The following THSD4 variants were observed in gnomAD, a reference collection of about 807,000 sequenced individuals.
THSD4 encodes thrombospondin type 1 domain containing 4, also known as thrombospondin type-1 domain-containing protein 4.
THSD4 carries 69 observed loss-of-function variants against 119.0 expected under a neutral mutation model. The observed-to-expected ratio is 0.58, with a 90% CI of 0.48 to 0.71. The LOEUF (loss-of-function observed/expected upper bound fraction) is 0.71. Among genes scored for constraint, THSD4 ranks in the 30% least tolerant of loss-of-function variants. The probability of loss-of-function intolerance (pLI) is 0.00; values close to 1 mark genes in which losing one functional copy is unlikely to be tolerated. For synonymous variants in THSD4, 524 were observed against 540.4 expected (o/e 0.97, Z 0.42); for missense variants, 1,393 against 1,391.1 (o/e 1.00, Z -0.02).
At chr15:71,421,457 T>C (rs1595751671) in intron 7 of THSD4, among the ~76,000 whole-genome samples, 1 of 152,328 alleles carries the variant, frequency 6.6e-6, no homozygotes, top group East Asian at 1.9e-4. Flanking sequence ...ATGGTAAAAG[T>C]GTCATTCCTT....
At chr15:71,385,087 A>G (rs1207756396) in intron 6 of THSD4, among the ~76,000 whole-genome samples, 1 of 152,194 alleles carries the variant, frequency 6.6e-6, no homozygotes, top group East Asian at 1.9e-4. Context: ...TGAGGCCTAT[A>G]GCTGGATCCA....
At chr15:71,460,868 G>T (rs1328918267) in intron 7 of THSD4, among the ~76,000 whole-genome samples, 1 of 152,026 alleles carries the variant, frequency 6.6e-6, no homozygotes, top group African/African-American at 2.4e-5. Context: ...ATACATATTG[G>T]TTCTTCTTGT....
chr15:71,711,413 A>G (rs1001371171), intron 8 of THSD4, among the ~76,000 whole-genome samples: 1 of 152,126 alleles, frequency 6.6e-6, no homozygotes, highest in African/African-American at 2.4e-5. Context: ...TGTATGTTTT[A>G]ACACCTGGAC....
chr15:71,630,917 G>A (rs1346475192), intron 7 of THSD4, among the ~76,000 whole-genome samples: 2 of 152,272 alleles, frequency 1.3e-5, no homozygotes, highest in Non-Finnish European at 2.9e-5. Context: ...TCTTTGCGGT[G>A]GGGGCTGTCC....
At chr15:71,578,137 C>T (rs1169695754) in intron 7 of THSD4, among the ~76,000 whole-genome samples, 1 of 149,384 alleles carries the variant, frequency 6.7e-6, no homozygotes, top group Non-Finnish European at 1.5e-5. Flanking sequence ...TATATATATA[C>T]ATTATATCTA....
At position 71,344,011 on chromosome 15, in the gene THSD4, C is replaced by T. The variant is rs1007227131; in HGVS notation, c.1016-67676C>T. Among the ~76,000 whole-genome samples the T allele has an allele frequency of 1.7e-4, 26 of 149,428 alleles. No homozygotes were observed. In the East Asian group the frequency reaches 4.3e-3, roughly 25 times the overall value. ...GTGGGGTGGGGGTGGGGGTTACAGG[C>T]GTGAGCCACTGCACCCAGCCAGGAT... On this transcript the variant is annotated intron_variant, in intron 6 of 17. Transcript: ENST00000261862.
chr15:71,180,517 A>G (rs892165259), intron 3 of THSD4, among the ~76,000 whole-genome samples: 3 of 152,220 alleles, frequency 2.0e-5, no homozygotes, highest in Admixed American at 6.5e-5. Flanking sequence ...GGGGGAATAC[A>G]TATGAGAAAA....
At chr15:71,555,742 T>C (rs949294157) in intron 7 of THSD4, among the ~76,000 whole-genome samples, 2 of 152,206 alleles carry the variant, frequency 1.3e-5, no homozygotes, top group East Asian at 3.8e-4. Flanking sequence ...TATTGCTTTC[T>C]AAAATTATTG....
chr15:71,138,803 T>C (rs2040574558), intron 1 of THSD4, among the ~76,000 whole-genome samples: 1 of 152,174 alleles, frequency 6.6e-6, no homozygotes, highest in Non-Finnish European at 1.5e-5. Flanking sequence ...TTTATACTTA[T>C]TTATGATTTA....
chr15:71,199,475 TGTGTGTGTGTGGG>T (rs1596264318), intron 3 of THSD4, among the ~76,000 whole-genome samples: 2 of 67,008 alleles, frequency 3.0e-5, no homozygotes, highest in Admixed American at 2.1e-4. Context: ...GTGTGTGTGG[TGTGTGTGTGTGGG>T]GTGTGTGTGG....
chr15:71,750,357 T>C (rs1019014628), intron 14 of THSD4, among the ~76,000 whole-genome samples: 5 of 152,202 alleles, frequency 3.3e-5, no homozygotes, highest in African/African-American at 4.8e-5. Flanking sequence ...TATTGAGTAT[T>C]TTGAATATCA....
intron 7 of THSD4, among the ~76,000 whole-genome samples, chr15:71,629,142 C>T (rs578125493): frequency 6.6e-6 from 1 of 152,290 alleles, no homozygotes; most frequent in South Asian, 2.1e-4. Flanking sequence ...TTGGCTCAAT[C>T]TGAATAAACA....
chr15:71,489,483 G>A (rs1242194759), intron 7 of THSD4, among the ~76,000 whole-genome samples: 1 of 152,126 alleles, frequency 6.6e-6, no homozygotes, highest in African/African-American at 2.4e-5. Flanking sequence ...ACCATCTTCT[G>A]TGGGGACTCC....
intron 1 of THSD4, among the ~76,000 whole-genome samples, chr15:71,099,339 A>G (rs914418403): frequency 6.6e-6 from 1 of 152,224 alleles, no homozygotes; most frequent in Non-Finnish European, 1.5e-5. Context: ...TTTTCTGTCT[A>G]CTTATACTAT....
At chr15:71,614,150 G>C (rs1057452382) in intron 7 of THSD4, among the ~76,000 whole-genome samples, 3 of 152,144 alleles carry the variant, frequency 2.0e-5, no homozygotes, top group African/African-American at 7.2e-5. Context: ...GTCTGTCCCA[G>C]GTTAAACACT....
At chr15:71,387,165 T>C (rs573781248) in intron 6 of THSD4, among the ~76,000 whole-genome samples, 1 of 152,144 alleles carries the variant, frequency 6.6e-6, no homozygotes, top group South Asian at 2.1e-4. Flanking sequence ...AATGAATAGC[T>C]GTGCGCTGGA....
chr15:71,627,309 C>T (rs968430830), intron 7 of THSD4, among the ~76,000 whole-genome samples: 13 of 152,184 alleles, frequency 8.5e-5, no homozygotes, highest in African/African-American at 2.9e-4. Context: ...GTCACCTCTC[C>T]GACATCTTCA....
At chr15:71,684,517 CTTT>C (rs11357397) in intron 8 of THSD4, among the ~76,000 whole-genome samples, 1 of 145,944 alleles carries the variant, frequency 6.9e-6, no homozygotes. Flanking sequence ...ATCTTGTAAT[CTTT>C]TTTTTTTTTT....
At chr15:71,710,001 C>T (rs2052476673) in intron 8 of THSD4, among the ~76,000 whole-genome samples, 2 of 152,194 alleles carry the variant, frequency 1.3e-5, no homozygotes, top group African/African-American at 4.8e-5. Context: ...GCCTCTGAAG[C>T]TGCTCAGATC....
Sources: gnomAD v4.1 joint callset for allele counts (sites outside exome capture counted in the v4.1 genomes callset) on GRCh38, gnomAD v4.1.1 for gene constraint, MANE v1.5 for transcripts, NCBI Gene and HGNC (gene_info 2026-07-23, HGNC 2026-07-21) for gene names.